The following PTPRN variants were observed in gnomAD, a reference collection of about 807,000 sequenced individuals.
PTPRN encodes the protein protein tyrosine phosphatase receptor type N, also known as receptor-type tyrosine-protein phosphatase-like N.
Under a neutral mutation model 108.5 loss-of-function variants are expected in PTPRN, and 70 were observed. That is an observed-to-expected ratio of 0.65 (90% confidence interval 0.53 to 0.79). The LOEUF (loss-of-function observed/expected upper bound fraction) is 0.79. PTPRN is among the 30% of genes least tolerant of loss of function. The pLI is 0.00. For synonymous variants in PTPRN, 496 were observed against 524.6 expected (o/e 0.95, Z 0.75); for missense variants, 1,136 against 1,295.5 (o/e 0.88, Z 1.89).
Position 219,309,083 on chromosome 2 carries a change from C to G in PTPRN, c.115+135G>C, listed in dbSNP as rs760085308. ...CTCCGAGACGCCCTCTCACCTTCCT[C>G]ATCTCGCATGCCTCCCCCAACCCAT... is the stretch of plus-strand genomic sequence containing the variant. On this transcript the variant is annotated intron_variant, in intron 1 of 22. Coordinates refer to ENST00000295718, the MANE Select transcript of PTPRN (RefSeq NM_002846.4). 1.0e-4 allele frequency: 156 copies of G among 1,518,736 alleles called. 3 individuals carry two copies. In the South Asian group the frequency reaches 1.8e-3, roughly 17 times the overall value. 94.1% of individuals were successfully genotyped at this position (1,518,736 alleles called of 1,614,324 possible).
At chr2:219,292,571 A>G (rs1952075975) in intron 19 of PTPRN, 1 of 152,210 alleles carries the variant, frequency 6.6e-6, no homozygotes, top group Non-Finnish European at 1.5e-5. Flanking sequence ...AGGGTAGAAG[A>G]GTAATCACAA....
intron 1 of PTPRN, 117 bp from the exon 2 acceptor site, chr2:219,307,959 G>T (rs1952525745): frequency 1.0e-6 from 1 of 995,720 alleles, no homozygotes; most frequent in Non-Finnish European, 1.6e-6. Context: ...TCTAAAGAAG[G>T]CCTTAAGCTG....
chr2:219,301,603 C>T lies in PTPRN; in HGVS notation c.1111G>A (p.Ala371Thr). ...GGACACTTACCCGGATTTCTTCCTG[C>T]ACCCTTGGGCAGTAGCTGCAGCAGG... is the stretch of plus-strand genomic sequence containing the variant. ...LTLLQLLPKG[A>T]GRNPGGVVNV... Residue 371 changes from alanine to threonine, a missense_variant, in exon 7 of 23, where the codon GCA (alanine) becomes ACA (threonine). By Grantham distance (58) the Ala-to-Thr change is moderately conservative. Transcript: ENST00000295718. 6.2e-7 allele frequency: 1 copy of T among 1,608,318 alleles called. No homozygotes were observed. Among genetic ancestry groups the T allele is most frequent in the South Asian group, 1.1e-5 (1 of 90,942 alleles).
At position 219,290,045 on chromosome 2, in the gene PTPRN, G is replaced by A. The variant is rs1044845944; in HGVS notation, c.*181C>T. The A allele has an allele frequency of 1.4e-5, 9 of 628,366 alleles. No homozygotes were observed. In the African/African-American group the frequency reaches 1.7e-4, roughly 12 times the overall value. 38.9% of individuals were successfully genotyped at this position (628,366 alleles called of 1,614,324 possible). On this transcript the variant is annotated 3_prime_UTR_variant, in exon 23 of 23. Transcript: ENST00000295718. This position sits in a 1 kb window ranked among gnomAD's most constrained non-coding sequence, Gnocchi z 4.2. ...ATGCCCTGGGCTCTGGGATGCCCCA[G>A]GCTCTGGCATGCGAGGCTGGGCAGG...
chr2:219,302,421 T>C lies in PTPRN; in HGVS notation c.710A>G (p.Lys237Arg), dbSNP rs1169005518. 1.2e-6 allele frequency: 2 copies of C among 1,614,154 alleles called. No homozygotes were observed. Among genetic ancestry groups the C allele is most frequent in the African/African-American group, 1.3e-5 (1 of 75,060 alleles). The change falls in exon 6 of 23, where the codon AAG becomes AGG. Residue 237 changes from lysine to arginine, a missense_variant. Lys to Arg is a conservative substitution (Grantham distance 26, BLOSUM62 2). Transcript: ENST00000295718. Reference sequence around the variant, plus strand: ...GCTGAAGAGGGCAGGGGCTTCAGCCTTGGGCAGGGGGCCGACACTGACCAT... The same window carrying C: ...GCTGAAGAGGGCAGGGGCTTCAGCCCTGGGCAGGGGGCCGACACTGACCAT... Reference protein sequence around the residue: ...PGMVSVGPLPKAEAPALFSRT... With the variant: ...PGMVSVGPLPRAEAPALFSRT...
At chr2:219,305,469 C>T (rs1048774227) in intron 3 of PTPRN, among the ~76,000 whole-genome samples, 1 of 152,046 alleles carries the variant, frequency 6.6e-6, no homozygotes, top group Non-Finnish European at 1.5e-5. Context: ...TCTCGAACTC[C>T]TGAGCTCGTG....
rs746780508 is a variant in PTPRN at position 219,290,938 on chromosome 2, G to T, written c.2730-48C>A. The T allele has an allele frequency of 1.3e-6, 2 of 1,582,612 alleles. No individual in the cohort carries two copies. Among genetic ancestry groups the T allele is most frequent in the Non-Finnish European group, 1.7e-6 (2 of 1,151,404 alleles). The stretch of plus-strand genomic sequence containing the variant: ...GTTTAGCTTGAGATGCAGCAGAAAG[G>T]GGGAGGGACGGAGGAGGCGAGGAGG... On this transcript the variant is annotated intron_variant, in intron 20 of 22. Transcript: ENST00000295718. This position sits in a 1 kb window ranked among gnomAD's most constrained non-coding sequence, Gnocchi z 4.2.
In PTPRN at chr2:219,297,774, C is replaced by T; in HGVS notation, c.1887+111G>A. ...CTTCTCCAGCCTCCACTGGACCTTC[C>T]CAGGGATGAGGGCTCACTCCCCATT... is the stretch of plus-strand genomic sequence containing the variant. On this transcript the variant is annotated intron_variant, in intron 13 of 22. Coordinates refer to ENST00000295718, the MANE Select transcript of PTPRN (RefSeq NM_002846.4). This position sits in a 1 kb window ranked among gnomAD's most constrained non-coding sequence, Gnocchi z 6.0. 1 of 1,307,744 alleles carries T rather than the reference C, an allele frequency of 7.6e-7. No homozygotes were observed. The highest frequency in any genetic ancestry group is 1.0e-6 in the Non-Finnish European group (1 of 952,512). 81.0% of individuals were successfully genotyped at this position (1,307,744 alleles called of 1,614,324 possible).
At chr2:219,294,642 G>A (rs1952135716) in intron 19 of PTPRN, among the ~76,000 whole-genome samples, 1 of 151,890 alleles carries the variant, frequency 6.6e-6, no homozygotes, top group African/African-American at 2.4e-5. Context: ...AGGAAGCAGG[G>A]GTCCTGGAGA....
In PTPRN at chr2:219,300,974, C is replaced by T. The variant is rs1189988032; in HGVS notation, c.1130G>A (p.Gly377Glu). 1 of 1,614,126 alleles carries T rather than the reference C, an allele frequency of 6.2e-7. No homozygotes were observed. The highest frequency in any genetic ancestry group is 8.5e-7 in the Non-Finnish European group (1 of 1,180,016). ...GATATCAGCTCCAACATTTACAACC[C>T]CTCCTGCGAGACAGGAAAAACAAGA... ...LPKGAGRNPG[G>E]VVNVGADIKK... Residue 377 changes from glycine to glutamate, a missense_variant, in exon 8 of 23, where the codon GGG becomes GAG. Gly to Glu is a moderately conservative substitution (Grantham distance 98). Coordinates refer to ENST00000295718, the MANE Select transcript of PTPRN (RefSeq NM_002846.4).
At chr2:219,301,069 T>G in intron 7 of PTPRN, 92 bp from the exon 8 acceptor site, 1 of 1,269,580 alleles carries the variant, frequency 7.9e-7, no homozygotes, top group African/African-American at 1.5e-5. Flanking sequence ...ACCCTGAGCC[T>G]GGAACATTTG....
rs771203621 is a variant in PTPRN, at chr2:219,297,147, C to G, written c.2089-15G>C. 8 of 1,613,282 alleles carry G rather than the reference C, an allele frequency of 5.0e-6. No homozygotes were observed. The Admixed American group carries it at 1.3e-4, about 27-fold the overall frequency. On this transcript the variant is annotated splice_polypyrimidine_tract_variant and intron_variant, in intron 14 of 22. Transcript: ENST00000295718. The surrounding 1 kb of genome is among the most constrained non-coding windows in gnomAD (Gnocchi z 6.0). Reference sequence around the variant, plus strand: ...TCCATGTATGCCTGTGGGGGCACCACGGTCTGGCTCTGGCCCACACAGCCA... The same window carrying G: ...TCCATGTATGCCTGTGGGGGCACCAGGGTCTGGCTCTGGCCCACACAGCCA...
intron 20 of PTPRN, 114 bp from the exon 21 acceptor site, chr2:219,291,004 TG>T (rs1952042511): frequency 6.8e-6 from 7 of 1,035,988 alleles, no homozygotes; most frequent in Non-Finnish European, 1.0e-5. Context: ...GGTGACCCGT[TG>T]GGGTTGGCTT....
chr2:219,296,679 G>A lies in PTPRN; in HGVS notation c.2310+70C>T, dbSNP rs528675211. The A allele has an allele frequency of 9.4e-6, 15 of 1,588,276 alleles. No homozygotes were observed. Among genetic ancestry groups the A allele is most frequent in the East Asian group, 2.3e-5 (1 of 43,940 alleles). On this transcript the variant is annotated intron_variant, in intron 16 of 22. Coordinates refer to ENST00000295718, the MANE Select transcript of PTPRN (RefSeq NM_002846.4). The surrounding 1 kb of genome is among the most constrained non-coding windows in gnomAD (Gnocchi z 6.0). ...GGTTGGTGGGGTGGCAGGTGACCAC[G>A]GGGAAATGGAGTGCATAGGGCCAGG...
chr2:219,300,089 C>A lies in PTPRN; in HGVS notation c.1332G>T (p.Leu444=), dbSNP rs375552172. 7.4e-5 allele frequency: 119 copies of A among 1,614,048 alleles called. 1 individual carries two copies. The highest frequency in any genetic ancestry group is 9.7e-5 in the Non-Finnish European group (114 of 1,180,032). The stretch of plus-strand genomic sequence containing the variant: ...GGCCCAGTGGGCTTTTCTTCTCTAG[C>A]AGGACAGGTGTCACAGGGGGTCTGG... ...KAARPPVTPV[L]LEKKSPLGQS... Residue 444 remains leucine, a synonymous_variant, in exon 9 of 23, where the codon CTG becomes CTT. Coordinates refer to ENST00000295718, the MANE Select transcript of PTPRN (RefSeq NM_002846.4).
Position 219,302,881 on chromosome 2 carries a change from G to C in PTPRN, c.378-44C>G, listed in dbSNP as rs771359976. ...TGTGTGTGTTGGAGCGGGGGAAAGGGCATAGAGAGCCTGCAAGGCAGAACT... is the reference window on the plus strand; with the variant it reads ...TGTGTGTGTTGGAGCGGGGGAAAGGCCATAGAGAGCCTGCAAGGCAGAACT... On this transcript the variant is annotated intron_variant, in intron 4 of 22. Transcript: ENST00000295718. 10 of 1,588,800 alleles carry C rather than the reference G, an allele frequency of 6.3e-6. No homozygotes were observed. The Admixed American group carries it at 1.9e-4, about 31-fold the overall frequency.
intron 8 of PTPRN, 51 bp from the exon 9 acceptor site, chr2:219,300,310 G>T: frequency 6.7e-7 from 1 of 1,503,362 alleles, no homozygotes; most frequent in Non-Finnish European, 8.9e-7. Context: ...TGGGGGAAGG[G>T]GTACCCTGGA....
intron 1 of PTPRN, chr2:219,308,166 G>T: frequency 3.0e-6 from 1 of 330,696 alleles, no homozygotes; most frequent in Non-Finnish European, 5.6e-6. Flanking sequence ...TCTGAAAGAG[G>T]AATTTCCTTC....
At position 219,300,703 on chromosome 2, in the gene PTPRN, T is replaced by C. The variant is rs554200834; in HGVS notation, c.1161+240A>G. On this transcript the variant is annotated intron_variant, in intron 8 of 22. Coordinates refer to ENST00000295718, the MANE Select transcript of PTPRN (RefSeq NM_002846.4). ...TCCTCCCCTAGGAATCCTCAGAGCA[T>C]GGTCTGAAATGATTGTAGTGAAAAG... 2.0e-3 allele frequency among the ~76,000 whole-genome samples: 302 copies of C among 152,316 alleles called. 1 individual carries two copies. The highest frequency in any genetic ancestry group is 3.4e-3 in the Non-Finnish European group (234 of 68,026).
Sources: allele counts gnomAD v4.1 joint callset (sites outside exome capture counted in the v4.1 genomes callset), GRCh38; gene constraint gnomAD v4.1.1; non-coding constraint Gnocchi (gnomAD v3.1); transcripts MANE v1.5; gene names NCBI Gene and HGNC (gene_info 2026-07-23, HGNC 2026-07-21).